The following NCAM1 variants were observed in gnomAD, a reference collection of about 807,000 sequenced individuals.
The protein encoded by NCAM1 is neural cell adhesion molecule 1.
NCAM1 carries 14 observed loss-of-function variants against 109.8 expected under a neutral mutation model. The observed-to-expected ratio is 0.13, with a 90% CI of 0.08 to 0.20. NCAM1 has a LOEUF of 0.20. NCAM1 is among the 10% of genes least tolerant of loss of function. The pLI is 1.00. For missense variants in NCAM1, 774 were observed against 1,109.9 expected (o/e 0.70, Z 4.30); for synonymous variants, 418 against 442.9 (o/e 0.94, Z 0.70).
At chr11:113,260,360 G>T (rs533525766) in intron 17 of NCAM1, 37 bp downstream of exon 17, 93 of 1,597,034 alleles carry the variant, frequency 5.8e-5, no homozygotes, top group South Asian at 3.3e-4. Context: ...TTTCCGCTTT[G>T]AATTAATGCA....
intron 1 of NCAM1, among the ~76,000 whole-genome samples, chr11:113,068,832 T>C (rs782029043): frequency 1.4e-4 from 21 of 152,256 alleles, no homozygotes; most frequent in East Asian, 9.7e-4. Flanking sequence ...GGCCATCAAA[T>C]ATTATCTAGT....
At chr11:113,080,804 G>A (rs782576078) in intron 1 of NCAM1, among the ~76,000 whole-genome samples, 136 of 152,208 alleles carry the variant, frequency 8.9e-4, no homozygotes, top group African/African-American at 3.2e-3. Flanking sequence ...TGAGTGCCAA[G>A]TCATTGTATA....
At chr11:113,060,868 A>G (rs1363318887) in intron 1 of NCAM1, among the ~76,000 whole-genome samples, 1 of 152,230 alleles carries the variant, frequency 6.6e-6, no homozygotes, top group African/African-American at 2.4e-5. Context: ...TTTACAAGAT[A>G]GCGATCAAGA....
intron 9 of NCAM1, 181 bp from the exon 10 acceptor site, chr11:113,231,464 T>C: frequency 1.2e-6 from 1 of 865,210 alleles, no homozygotes; most frequent in South Asian, 1.7e-5. Context: ...TGCTTCCCAG[T>C]GCCTCCCCCA....
At chr11:113,044,347 T>C (rs1953186652) in intron 1 of NCAM1, among the ~76,000 whole-genome samples, 1 of 150,630 alleles carries the variant, frequency 6.6e-6, no homozygotes, top group Non-Finnish European at 1.5e-5. Flanking sequence ...TAATTCCTTC[T>C]GTGTGTGACA....
intron 1 of NCAM1, among the ~76,000 whole-genome samples, chr11:113,112,333 A>C (rs1555093880): frequency 6.6e-6 from 1 of 152,240 alleles, no homozygotes; most frequent in African/African-American, 2.4e-5. Flanking sequence ...TTCCTTTAAA[A>C]GGCACAATAA....
At chr11:113,241,024 C>T (rs1253712433) in intron 14 of NCAM1, among the ~76,000 whole-genome samples, 1 of 152,198 alleles carries the variant, frequency 6.6e-6, no homozygotes, top group African/African-American at 2.4e-5. Flanking sequence ...GGGCAGCCTT[C>T]CCTGAAGGAG....
At chr11:113,004,242 C>T (rs1555072945) in intron 1 of NCAM1, among the ~76,000 whole-genome samples, 2 of 152,146 alleles carry the variant, frequency 1.3e-5, no homozygotes, top group African/African-American at 2.4e-5. Flanking sequence ...CGCCTGTAAT[C>T]GCAGCACTTT....
intron 1 of NCAM1, among the ~76,000 whole-genome samples, chr11:112,964,091 TAAC>T (rs1473829544): frequency 2.0e-5 from 3 of 148,658 alleles, no homozygotes; most frequent in African/African-American, 7.4e-5. Context: ...AATGAAAACA[TAAC>T]AACAAGTATA....
chr11:112,968,809 C>T (rs937497710), intron 1 of NCAM1, among the ~76,000 whole-genome samples: 2 of 152,132 alleles, frequency 1.3e-5, no homozygotes, highest in Non-Finnish European at 2.9e-5. Context: ...ATGGTATTCT[C>T]ATTTTAGGGC....
intron 10 of NCAM1, 57 bp downstream of exon 10, chr11:113,231,852 G>A (rs1031171770): frequency 6.2e-7 from 1 of 1,602,466 alleles, no homozygotes; most frequent in Admixed American, 1.7e-5. Flanking sequence ...GGGTCAGGAT[G>A]AGAGAGGAAA....
At chr11:113,098,138 TC>T (rs1939693920) in intron 1 of NCAM1, among the ~76,000 whole-genome samples, 1 of 152,164 alleles carries the variant, frequency 6.6e-6, no homozygotes, top group African/African-American at 2.4e-5. Context: ...TGATCTAAAT[TC>T]CAAGGATAAG....
At chr11:113,019,238 A>G (rs1394310448) in intron 1 of NCAM1, among the ~76,000 whole-genome samples, 1 of 152,092 alleles carries the variant, frequency 6.6e-6, no homozygotes, top group Non-Finnish European at 1.5e-5. Flanking sequence ...ACAGATATTT[A>G]GGGACTTGGC....
chr11:113,136,882 T>A (rs1392915295), intron 1 of NCAM1, among the ~76,000 whole-genome samples: 2 of 152,074 alleles, frequency 1.3e-5, no homozygotes, highest in African/African-American at 4.8e-5. Context: ...TGGAGTGGAA[T>A]GGCGCTGTGG....
intron 1 of NCAM1, among the ~76,000 whole-genome samples, chr11:113,042,769 TCCATAACCAGTGTGGC>T (rs1555080160): frequency 6.6e-6 from 1 of 152,130 alleles, no homozygotes; most frequent in Non-Finnish European, 1.5e-5. Context: ...CATTCCCTTC[TCCATAACCAGTGTGGC>T]CTTTGCAGGG....
At position 113,260,169 on chromosome 11, in the gene NCAM1, G is replaced by C. The variant is rs1212511357; in HGVS notation, c.1977G>C (p.Glu659Asp). Residue 659 changes from glutamate to aspartate, a missense_variant, in exon 17 of 20, where the codon GAG (glutamate) becomes GAC (aspartate). Transcript: ENST00000316851. ...AGCTCTCCTCCGAGTGGAAACCAGA[G>C]ATCAGGCTCCCGTCTGGCAGTGACC... ...YRALSSEWKP[E>D]IRLPSGSDHV... is the part of the protein sequence containing the mutation. 2.5e-6 allele frequency: 4 copies of C among 1,613,320 alleles called. No individual in the cohort carries two copies. The highest frequency in any genetic ancestry group is 3.4e-6 in the Non-Finnish European group (4 of 1,179,716).
At chr11:113,236,668 G>A (rs368365232) in intron 14 of NCAM1, among the ~76,000 whole-genome samples, 47 of 152,268 alleles carry the variant, frequency 3.1e-4, no homozygotes, top group East Asian at 2.3e-3. Flanking sequence ...CTATAGCCCC[G>A]CCTCACCTTC....
chr11:113,146,015 T>G (rs55859223), intron 1 of NCAM1, among the ~76,000 whole-genome samples: 14,032 of 152,232 alleles, frequency 0.092, 923 homozygotes, highest in East Asian at 0.26. Flanking sequence ...CATAAAGGCC[T>G]TGGTTTGCTC....
intron 1 of NCAM1, among the ~76,000 whole-genome samples, chr11:113,093,925 A>G (rs1469577684): frequency 6.6e-6 from 1 of 152,102 alleles, no homozygotes; most frequent in Non-Finnish European, 1.5e-5. Flanking sequence ...TGGAAGCTGC[A>G]GTGTGCTGTG....
Sources: allele counts gnomAD v4.1 joint callset (sites outside exome capture counted in the v4.1 genomes callset), GRCh38; gene constraint gnomAD v4.1.1; transcripts MANE v1.5; gene names NCBI Gene and HGNC (gene_info 2026-07-23, HGNC 2026-07-21).